BMP6: variants seen among roughly 807,000 people sequenced by gnomAD.
The protein encoded by BMP6 is VG-1-R.
In BMP6, 17 loss-of-function variants were observed where a neutral mutation model predicts 54.1. That is an observed-to-expected ratio of 0.31 (90% CI 0.22 to 0.47). BMP6 has a LOEUF of 0.47. BMP6 is among the 20% of genes least tolerant of loss of function. The pLI, the probability that BMP6 is intolerant of heterozygous loss-of-function variation, is 1.00. For synonymous variants in BMP6, 328 were observed against 291.2 expected (o/e 1.13, Z -1.28); for missense variants, 720 against 690.4 (o/e 1.04, Z -0.48).
chr6:7,866,039 C>T (rs1561795925), intron 4 of BMP6, among the ~76,000 whole-genome samples: 2 of 152,248 alleles, frequency 1.3e-5, no homozygotes, highest in Non-Finnish European at 2.9e-5. Flanking sequence ...CCAAAATCTA[C>T]TCAAACATTT....
intron 1 of BMP6, among the ~76,000 whole-genome samples, chr6:7,730,814 T>C (rs1387740223): frequency 6.6e-6 from 1 of 152,210 alleles, no homozygotes; most frequent in African/African-American, 2.4e-5. Flanking sequence ...TTAAAGAATC[T>C]ACAGAAAGAT....
chr6:7,757,397 C>T (rs551328583), intron 1 of BMP6, among the ~76,000 whole-genome samples: 1 of 152,270 alleles, frequency 6.6e-6, no homozygotes, highest in Non-Finnish European at 1.5e-5. Flanking sequence ...GCATCACTTC[C>T]ATCTCTACCT....
At chr6:7,785,787 C>G (rs1251694484) in intron 1 of BMP6, among the ~76,000 whole-genome samples, 1 of 152,168 alleles carries the variant, frequency 6.6e-6, no homozygotes, top group African/African-American at 2.4e-5. Flanking sequence ...ACACTGAGAT[C>G]AAGAGAACGT....
At chr6:7,778,453 A>G (rs1294800596) in intron 1 of BMP6, among the ~76,000 whole-genome samples, 1 of 145,402 alleles carries the variant, frequency 6.9e-6, no homozygotes, top group African/African-American at 2.5e-5. Context: ...TCACACAGCC[A>G]GCAATGGCAG....
At chr6:7,874,866 G>C (rs893809512) in intron 4 of BMP6, among the ~76,000 whole-genome samples, 5 of 152,118 alleles carry the variant, frequency 3.3e-5, no homozygotes, top group Admixed American at 3.3e-4. Context: ...TAATAATTTA[G>C]CTAGTCCGGG....
intron 1 of BMP6, among the ~76,000 whole-genome samples, chr6:7,830,670 G>A (rs941049182): frequency 6.6e-6 from 1 of 152,206 alleles, no homozygotes; most frequent in Non-Finnish European, 1.5e-5. Context: ...CATGACTGGG[G>A]AGGTCTCACA....
chr6:7,754,858 CA>C (rs1757488370), intron 1 of BMP6, among the ~76,000 whole-genome samples: 1 of 151,982 alleles, frequency 6.6e-6, no homozygotes, highest in Non-Finnish European at 1.5e-5. Context: ...GCTGGGATTA[CA>C]GGCACTTGCC....
chr6:7,870,627 AAAC>A (rs1390977080), intron 4 of BMP6, among the ~76,000 whole-genome samples: 12 of 151,866 alleles, frequency 7.9e-5, no homozygotes, highest in Admixed American at 4.6e-4. Context: ...TTTTTTTAAA[AAAC>A]AACAACAACA....
At chr6:7,735,328 A>G (rs1190335606) in intron 1 of BMP6, among the ~76,000 whole-genome samples, 6 of 152,362 alleles carry the variant, frequency 3.9e-5, no homozygotes, top group South Asian at 2.1e-4. Flanking sequence ...TGAGTGAACC[A>G]TATCATTGGT....
intron 1 of BMP6, among the ~76,000 whole-genome samples, chr6:7,735,866 T>C (rs574135284): frequency 6.6e-6 from 1 of 152,334 alleles, no homozygotes; most frequent in East Asian, 1.9e-4. Flanking sequence ...CGAGGAGTTG[T>C]GAAACTACTC....
intron 1 of BMP6, among the ~76,000 whole-genome samples, chr6:7,805,909 G>T (rs1758340777): frequency 6.6e-6 from 1 of 152,212 alleles, no homozygotes; most frequent in South Asian, 2.1e-4. Context: ...AGGCACGTTT[G>T]AATCTGTTTA....
At chr6:7,808,406 T>TG (rs961880077) in intron 1 of BMP6, among the ~76,000 whole-genome samples, 24 of 152,058 alleles carry the variant, frequency 1.6e-4, no homozygotes, top group South Asian at 6.2e-4. Flanking sequence ...CAGAGCCTCT[T>TG]GGGGGGGCGA....
intron 1 of BMP6, among the ~76,000 whole-genome samples, chr6:7,844,840 A>G (rs1759035145): frequency 6.6e-6 from 1 of 152,198 alleles, no homozygotes; most frequent in Non-Finnish European, 1.5e-5. Flanking sequence ...TGCAGATGAG[A>G]AAACTTTAAC....
chr6:7,863,278 A>C (rs1225964), intron 4 of BMP6, among the ~76,000 whole-genome samples: 2 of 151,978 alleles, frequency 1.3e-5, no homozygotes, highest in African/African-American at 4.8e-5. Flanking sequence ...GATTACAGGC[A>C]TGAGCCACTG....
At chr6:7,785,796 G>C (rs1017636809) in intron 1 of BMP6, among the ~76,000 whole-genome samples, 3 of 152,206 alleles carry the variant, frequency 2.0e-5, no homozygotes, top group Non-Finnish European at 4.4e-5. Context: ...TCAAGAGAAC[G>C]TGAAGAAATA....
chr6:7,828,608 G>T (rs565569837), intron 1 of BMP6, among the ~76,000 whole-genome samples: 2 of 152,308 alleles, frequency 1.3e-5, no homozygotes, highest in South Asian at 2.1e-4. Context: ...CTTCAGGTCC[G>T]GATGGGTGGC....
chr6:7,757,803 C>T (rs1417840687), intron 1 of BMP6, among the ~76,000 whole-genome samples: 3 of 152,212 alleles, frequency 2.0e-5, no homozygotes, highest in African/African-American at 7.2e-5. Flanking sequence ...ACAGCTTCAT[C>T]TTCATAGATC....
At chr6:7,850,733 T>G (rs776305523) in intron 2 of BMP6, among the ~76,000 whole-genome samples, 1 of 152,100 alleles carries the variant, frequency 6.6e-6, no homozygotes, top group Non-Finnish European at 1.5e-5. Context: ...CCCGAGACGA[T>G]GTGAGATGTA....
At chr6:7,797,946 G>A (rs754836639) in intron 1 of BMP6, among the ~76,000 whole-genome samples, 4 of 152,188 alleles carry the variant, frequency 2.6e-5, no homozygotes, top group Admixed American at 6.5e-5. Flanking sequence ...AGATGTATAC[G>A]TTGATTTTTG....
Sources: gnomAD v4.1 joint callset for allele counts (sites outside exome capture counted in the v4.1 genomes callset) on GRCh38, gnomAD v4.1.1 for gene constraint, MANE v1.5 for transcripts, NCBI Gene and HGNC (gene_info 2026-07-23, HGNC 2026-07-21) for gene names.